The following CHRNB3 variants were observed in gnomAD, a reference collection of about 807,000 sequenced individuals.
CHRNB3 encodes neuronal acetylcholine receptor subunit beta-3.
CHRNB3 carries 37 observed loss-of-function variants against 40.6 expected under a neutral mutation model. The ratio of observed to expected loss-of-function variants is 0.91; its 90% confidence interval spans 0.70 to 1.20. The LOEUF is 1.20. CHRNB3 is among the 50% of genes most tolerant of loss of function. The pLI is 0.00. For synonymous variants in CHRNB3, 207 were observed against 207.1 expected (o/e 1.00, Z 0.00); for missense variants, 505 against 551.2 (o/e 0.92, Z 0.84).
chr8:42,698,482 G>A (rs74503386), intron 1 of CHRNB3, among the ~76,000 whole-genome samples: 1,681 of 152,264 alleles, frequency 0.011, 37 homozygotes, highest in African/African-American at 0.039. Flanking sequence ...ATGGAGAACT[G>A]GAGACACTAA....
At chr8:42,708,498 A>ACACACACACACACAC (rs59049088) in intron 1 of CHRNB3, among the ~76,000 whole-genome samples, 2 of 70,002 alleles carry the variant, frequency 2.9e-5, no homozygotes, top group African/African-American at 6.8e-5. Context: ...CACACACACA[A>ACACACACACACACAC]ACAAAATGTG....
rs1563618700 is a variant in CHRNB3 at position 42,737,061 on chromosome 8, TTGG to T, written c.*448_*450del. The T allele has an allele frequency of 1.2e-5, 2 of 165,302 alleles. No individual in the cohort carries two copies. The highest frequency in any genetic ancestry group is 2.6e-5 in the Non-Finnish European group (2 of 76,460). The allele number at this position is 165,302 out of a possible 1,614,324, so 10.2% of individuals were successfully genotyped here. A position where few individuals can be genotyped will look rare whatever the true frequency, so the allele number is the denominator to read the frequency against. Reference sequence around the variant, plus strand: ...GATCTCCCACCCTGCACTGGCCTCCTTGGTGGTTTTGTCTGAGCTGCAAACTGG... The same window carrying T: ...GATCTCCCACCCTGCACTGGCCTCCTTGGTTTTGTCTGAGCTGCAAACTGG... On this transcript the variant is annotated 3_prime_UTR_variant, in exon 6 of 6. Coordinates refer to ENST00000289957, the MANE Select transcript of CHRNB3 (RefSeq NM_000749.5).
chr8:42,705,202 C>T (rs1815901693), intron 1 of CHRNB3, among the ~76,000 whole-genome samples: 1 of 152,186 alleles, frequency 6.6e-6, no homozygotes, highest in Non-Finnish European at 1.5e-5. Flanking sequence ...TAGGCCATTC[C>T]CAGATGCAAG....
chr8:42,708,498 A>ACACAC (rs59049088), intron 1 of CHRNB3, among the ~76,000 whole-genome samples: 37 of 70,094 alleles, frequency 5.3e-4, no homozygotes, highest in African/African-American at 1.0e-3. Context: ...CACACACACA[A>ACACAC]ACAAAATGTG....
chr8:42,720,037 G>T (rs1158295185), intron 3 of CHRNB3, among the ~76,000 whole-genome samples: 4 of 143,126 alleles, frequency 2.8e-5, no homozygotes, highest in African/African-American at 1.0e-4. Flanking sequence ...TCCTGCCCCA[G>T]CACCTTTCCA....
intron 1 of CHRNB3, among the ~76,000 whole-genome samples, chr8:42,699,071 C>T (rs1467096537): frequency 4.6e-5 from 7 of 152,202 alleles, no homozygotes; most frequent in Non-Finnish European, 7.3e-5. Flanking sequence ...TCAGCATCTG[C>T]TCATATTTTT....
chr8:42,709,003 A>C (rs1427537485), intron 2 of CHRNB3, 135 bp downstream of exon 2: 1 of 949,822 alleles, frequency 1.1e-6, no homozygotes, highest in Non-Finnish European at 1.5e-6. Context: ...ATCTGCCCCC[A>C]AGAAGCCACT....
intron 3 of CHRNB3, chr8:42,726,101 T>C: frequency 8.7e-7 from 1 of 1,145,612 alleles, no homozygotes; most frequent in Non-Finnish European, 1.3e-6. Flanking sequence ...CCCTTTTCTT[T>C]TTCTCTGCTC....
At chr8:42,723,598 A>C (rs1340113607) in intron 3 of CHRNB3, among the ~76,000 whole-genome samples, 2 of 152,166 alleles carry the variant, frequency 1.3e-5, no homozygotes, top group Non-Finnish European at 2.9e-5. Flanking sequence ...ACCAGGCTGC[A>C]CATCTCCTGG....
At chr8:42,704,068 G>A (rs1754721292) in intron 1 of CHRNB3, among the ~76,000 whole-genome samples, 1 of 152,174 alleles carries the variant, frequency 6.6e-6, no homozygotes, top group African/African-American at 2.4e-5. Context: ...AAATACCATA[G>A]ACTGATTAAA....
rs534282977 is a variant in CHRNB3, at chr8:42,729,178, C to T, written c.250-1416C>T. ...ATCCCAGCACTTTGGGAGGCCGAGG[C>T]GGGCAGATCATGAGGTCAGGAGATC... On this transcript the variant is annotated intron_variant, in intron 3 of 5. Transcript: ENST00000289957. Among the ~76,000 whole-genome samples the T allele has an allele frequency of 4.4e-3, 672 of 152,034 alleles. 4 individuals carry two copies. Among genetic ancestry groups the T allele is most frequent in the Non-Finnish European group, 7.6e-3 (519 of 68,004 alleles).
chr8:42,699,736 G>C (rs1284498299), intron 1 of CHRNB3, among the ~76,000 whole-genome samples: 1 of 152,166 alleles, frequency 6.6e-6, no homozygotes, highest in Non-Finnish European at 1.5e-5. Flanking sequence ...CTGCACTCCA[G>C]CTTGGGCAAC....
intron 5 of CHRNB3, 92 bp downstream of exon 5, chr8:42,732,641 T>G: frequency 8.0e-7 from 1 of 1,253,670 alleles, no homozygotes; most frequent in East Asian, 2.4e-5. Context: ...ATTGTCATGG[T>G]TTAAATGTGA....
In CHRNB3 at chr8:42,728,662, C is replaced by T. The variant is rs540412665; in HGVS notation, c.250-1932C>T. Among the ~76,000 whole-genome samples, 6 of 152,048 alleles carry T rather than the reference C, an allele frequency of 3.9e-5. No homozygotes were observed. In the South Asian group the frequency reaches 1.0e-3, roughly 26 times the overall value. On this transcript the variant is annotated intron_variant, in intron 3 of 5. Coordinates refer to ENST00000289957, the MANE Select transcript of CHRNB3 (RefSeq NM_000749.5). ...TCTAGAAAAGCTGAAATTATAGAAA[C>T]AGAACAAATCAGGGATTTCCAAGGG...
chr8:42,703,746 C>T (rs1313873127), intron 1 of CHRNB3, among the ~76,000 whole-genome samples: 1 of 152,004 alleles, frequency 6.6e-6, no homozygotes, highest in Admixed American at 6.6e-5. Context: ...GCCTTTTGTT[C>T]ATGTGTTCAT....
intron 3 of CHRNB3, chr8:42,714,917 C>G (rs1816075099): frequency 6.6e-6 from 1 of 152,144 alleles, no homozygotes; most frequent in African/African-American, 2.4e-5. Context: ...TCCTGTTAGT[C>G]CTGTTGCTGT....
At chr8:42,729,540 A>G (rs909406003) in intron 3 of CHRNB3, among the ~76,000 whole-genome samples, 1 of 152,106 alleles carries the variant, frequency 6.6e-6, no homozygotes, top group Admixed American at 6.5e-5. Context: ...AAGATAGACA[A>G]TGTTTCCTCT....
At chr8:42,703,213 C>T (rs1372045523) in intron 1 of CHRNB3, among the ~76,000 whole-genome samples, 1 of 151,688 alleles carries the variant, frequency 6.6e-6, no homozygotes, top group Admixed American at 6.6e-5. Flanking sequence ...CACTTGAGGT[C>T]GGGAGTTCAA....
At chr8:42,712,757 C>A (rs1211980782) in intron 3 of CHRNB3, among the ~76,000 whole-genome samples, 1 of 151,932 alleles carries the variant, frequency 6.6e-6, no homozygotes, top group East Asian at 1.9e-4. Flanking sequence ...AGAAAAGAAC[C>A]CACACTTTCC....
Sources: gnomAD v4.1 joint callset for allele counts (sites outside exome capture counted in the v4.1 genomes callset) on GRCh38, gnomAD v4.1.1 for gene constraint, MANE v1.5 for transcripts, NCBI Gene and HGNC (gene_info 2026-07-23, HGNC 2026-07-21) for gene names.